GMDS: variants seen among roughly 807,000 people sequenced by gnomAD.
The protein encoded by GMDS is GDP-mannose 4,6 dehydratase.
GMDS carries 20 observed loss-of-function variants against 49.9 expected under a neutral mutation model. That is an observed-to-expected ratio of 0.40 (90% confidence interval 0.28 to 0.58). GMDS has a LOEUF of 0.58. Ranked by LOEUF, GMDS falls within the 20% of genes least tolerant of loss-of-function variation. The pLI, the probability that GMDS is intolerant of heterozygous loss-of-function variation, is 0.42. For missense variants in GMDS, 362 were observed against 481.4 expected (o/e 0.75, Z 2.32); for synonymous variants, 177 against 178.6 (o/e 0.99, Z 0.07).
intron 7 of GMDS, among the ~76,000 whole-genome samples, chr6:1,830,315 C>T (rs951850089): frequency 3.3e-5 from 5 of 152,168 alleles, no homozygotes; most frequent in African/African-American, 4.8e-5. Context: ...TGGAGTCTGT[C>T]TTATGCATTT....
chr6:1,837,658 T>C (rs1316976433), intron 7 of GMDS, among the ~76,000 whole-genome samples: 1 of 152,228 alleles, frequency 6.6e-6, no homozygotes, highest in Non-Finnish European at 1.5e-5. Flanking sequence ...ATCTTATATG[T>C]GAATACTGCA....
chr6:1,955,076 A>G (rs1388570128), intron 6 of GMDS, among the ~76,000 whole-genome samples: 1 of 152,154 alleles, frequency 6.6e-6, no homozygotes, highest in African/African-American at 2.4e-5. Flanking sequence ...ACAGGAGGTG[A>G]ACACCTGAAA....
intron 6 of GMDS, among the ~76,000 whole-genome samples, chr6:1,952,815 T>TGA (rs1491508842): frequency 6.6e-6 from 1 of 152,004 alleles, no homozygotes; most frequent in South Asian, 2.1e-4. Context: ...TCTTAAACAC[T>TGA]GAGAGAAGAA....
intron 9 of GMDS, among the ~76,000 whole-genome samples, chr6:1,627,170 G>T (rs1400516351): frequency 6.6e-6 from 1 of 152,214 alleles, no homozygotes; most frequent in Admixed American, 6.5e-5. Flanking sequence ...TTTAAGGAAA[G>T]ACTACGAGCA....
At chr6:2,033,995 A>G (rs2127419762) in intron 4 of GMDS, among the ~76,000 whole-genome samples, 1 of 152,332 alleles carries the variant, frequency 6.6e-6, no homozygotes, top group East Asian at 1.9e-4. Flanking sequence ...AGTCATTGTT[A>G]TGTCATCCAT....
chr6:2,027,156 T>C (rs976549721), intron 4 of GMDS, among the ~76,000 whole-genome samples: 1 of 152,170 alleles, frequency 6.6e-6, no homozygotes, highest in African/African-American at 2.4e-5. Context: ...AGTTGTAGCA[T>C]TCTGATCTTA....
chr6:1,970,086 A>C (rs1365933690), intron 4 of GMDS, among the ~76,000 whole-genome samples: 3 of 152,244 alleles, frequency 2.0e-5, no homozygotes, highest in Non-Finnish European at 4.4e-5. Flanking sequence ...GAATGAGCCA[A>C]AGTTTCCTGA....
At chr6:1,710,406 A>C (rs1765902604) in intron 9 of GMDS, among the ~76,000 whole-genome samples, 1 of 152,226 alleles carries the variant, frequency 6.6e-6, no homozygotes, top group Non-Finnish European at 1.5e-5. Context: ...CGTCTGCGGC[A>C]TTCATTCAGT....
At chr6:1,734,940 C>T (rs12189843) in intron 8 of GMDS, among the ~76,000 whole-genome samples, 114,061 of 152,196 alleles carry the variant, frequency 0.75, 46,308 homozygotes, top group South Asian at 0.92. Flanking sequence ...GATCTTCTGA[C>T]GCAGAGCTAG....
chr6:1,714,118 C>T (rs920507187), intron 9 of GMDS, among the ~76,000 whole-genome samples: 7 of 152,126 alleles, frequency 4.6e-5, no homozygotes, highest in South Asian at 2.1e-4. Flanking sequence ...CCTGGATTCA[C>T]GCCATTCTCC....
intron 1 of GMDS, among the ~76,000 whole-genome samples, chr6:2,216,794 T>C (rs2127586831): frequency 6.6e-6 from 1 of 152,310 alleles, no homozygotes; most frequent in African/African-American, 2.4e-5. Flanking sequence ...ACACTGCATT[T>C]ACGTGCTCCA....
At position 1,825,871 on chromosome 6, in the gene GMDS, C is replaced by A. The variant is rs145227055; in HGVS notation, c.772-83285G>T. On this transcript the variant is annotated intron_variant, in intron 7 of 10. Coordinates refer to ENST00000380815, the MANE Select transcript of GMDS (RefSeq NM_001500.4). Reference sequence around the variant, plus strand: ...TCTCTACTAAAAACACAAAAATTAGCCAGGCGTGGTGGCATGCACATGTAA... The same window carrying A: ...TCTCTACTAAAAACACAAAAATTAGACAGGCGTGGTGGCATGCACATGTAA... Among the ~76,000 whole-genome samples the A allele has an allele frequency of 2.8e-3, 433 of 152,202 alleles. 8 individuals carry two copies. Among genetic ancestry groups the A allele is most frequent in the Admixed American group, 0.019 (285 of 15,278 alleles).
At chr6:2,189,413 C>A (rs879656553) in intron 1 of GMDS, among the ~76,000 whole-genome samples, 1 of 152,094 alleles carries the variant, frequency 6.6e-6, no homozygotes, top group Non-Finnish European at 1.5e-5. Flanking sequence ...ATCTTATATG[C>A]GGAGGGTTAA....
intron 1 of GMDS, among the ~76,000 whole-genome samples, chr6:2,200,638 G>A (rs7757356): frequency 0.061 from 8,315 of 136,376 alleles, 1,006 homozygotes; most frequent in African/African-American, 0.28. Flanking sequence ...GAAGGATGAA[G>A]ACAGAACACC....
chr6:2,184,935 T>C (rs926907892), intron 1 of GMDS, among the ~76,000 whole-genome samples: 4 of 151,880 alleles, frequency 2.6e-5, no homozygotes, highest in African/African-American at 9.7e-5. Flanking sequence ...CACTCTAGAG[T>C]CGCTATTCAT....
chr6:1,712,597 T>G (rs1002645472), intron 9 of GMDS, among the ~76,000 whole-genome samples: 1 of 152,196 alleles, frequency 6.6e-6, no homozygotes, highest in Admixed American at 6.5e-5. Context: ...GCAGACATAA[T>G]GGCTTATCAT....
intron 8 of GMDS, among the ~76,000 whole-genome samples, chr6:1,726,904 CT>C (rs1322993925): frequency 2.0e-5 from 3 of 151,696 alleles, no homozygotes; most frequent in African/African-American, 7.3e-5. Flanking sequence ...AAATTAATGT[CT>C]TCTGTCTTCC....
At chr6:1,650,294 A>C (rs1198174323) in intron 9 of GMDS, among the ~76,000 whole-genome samples, 1 of 151,922 alleles carries the variant, frequency 6.6e-6, no homozygotes, top group Admixed American at 6.6e-5. Flanking sequence ...CTTTTGATCC[A>C]ACTCATGCCC....
chr6:1,932,984 A>G (rs1274244050), intron 6 of GMDS, among the ~76,000 whole-genome samples: 1 of 152,114 alleles, frequency 6.6e-6, no homozygotes, highest in East Asian at 1.9e-4. Flanking sequence ...ATTTCAGAAC[A>G]CTTTCATCAT....
Sources: gnomAD v4.1 joint callset for allele counts (sites outside exome capture counted in the v4.1 genomes callset) on GRCh38, gnomAD v4.1.1 for gene constraint, MANE v1.5 for transcripts, NCBI Gene and HGNC (gene_info 2026-07-23, HGNC 2026-07-21) for gene names.